OARD1: variants seen among roughly 807,000 people sequenced by gnomAD.
The protein encoded by OARD1 is O-acyl-ADP-ribose deacylase 1.
In OARD1, 19 loss-of-function variants were observed where a neutral mutation model predicts 19.7. The observed-to-expected ratio is 0.96, with a 90% CI of 0.67 to 1.41. The LOEUF is 1.41. OARD1 is among the 40% of genes most tolerant of loss of function. The pLI is 0.00. For missense variants in OARD1, 190 were observed against 183.8 expected (o/e 1.03, Z -0.20); for synonymous variants, 70 against 61.8 (o/e 1.13, Z -0.62).
At chr6:41,071,355 C>T in intron 2 of OARD1, 79 bp from the exon 3 acceptor site, 1 of 1,390,180 alleles carries the variant, frequency 7.2e-7, no homozygotes, top group Non-Finnish European at 1.0e-6. Flanking sequence ...ATTTTGTGTC[C>T]CCCACGACTA....
intron 1 of OARD1, among the ~76,000 whole-genome samples, chr6:41,081,175 C>A (rs1561851320): frequency 1.3e-5 from 2 of 152,174 alleles, no homozygotes. Context: ...GGAAGAAATT[C>A]TTATAAGTGA....
At chr6:41,078,589 T>G (rs1763807567) in intron 1 of OARD1, among the ~76,000 whole-genome samples, 2 of 152,242 alleles carry the variant, frequency 1.3e-5, no homozygotes, top group Admixed American at 6.5e-5. Context: ...ACTCTTAAAG[T>G]CTATGAGAAG....
intron 1 of OARD1, among the ~76,000 whole-genome samples, chr6:41,081,861 A>T (rs182264150): frequency 6.6e-5 from 10 of 152,316 alleles, no homozygotes; most frequent in African/African-American, 2.2e-4. Flanking sequence ...AGCCACTGTG[A>T]TAATTCTTGG....
intron 1 of OARD1, among the ~76,000 whole-genome samples, chr6:41,093,415 A>G (rs532668197): frequency 4.3e-4 from 66 of 152,250 alleles, no homozygotes; most frequent in African/African-American, 1.6e-3. Context: ...TTCATGGTCC[A>G]AGATTCCTGC....
Position 41,066,309 on chromosome 6 carries a change from T to C in OARD1, c.*1026A>G, listed in dbSNP as rs1763005869. 1 of 152,080 alleles carries C rather than the reference T, an allele frequency of 6.6e-6. No individual in the cohort carries two copies. Among genetic ancestry groups the C allele is most frequent in the Non-Finnish European group, 1.5e-5 (1 of 68,024 alleles). The allele number at this position is 152,080 out of a possible 1,614,324, so 9.4% of individuals were successfully genotyped here. Reference sequence around the variant, plus strand: ...GCCCAGCTAATTTTTAATTTCTTTTTTTTTTGTAGAGACAGGGTCTCGCTA... The same window carrying C: ...GCCCAGCTAATTTTTAATTTCTTTTCTTTTTGTAGAGACAGGGTCTCGCTA... On this transcript the variant is annotated 3_prime_UTR_variant, in exon 6 of 6. Coordinates refer to ENST00000424266, the MANE Select transcript of OARD1 (RefSeq NM_001329686.2).
intron 1 of OARD1, chr6:41,084,057 G>A: frequency 6.2e-7 from 1 of 1,606,066 alleles, no homozygotes; most frequent in Non-Finnish European, 8.5e-7. Flanking sequence ...TCCAAGGGCA[G>A]CCATTAATGG....
intron 1 of OARD1, among the ~76,000 whole-genome samples, chr6:41,079,432 T>C (rs1763847476): frequency 6.6e-6 from 1 of 152,272 alleles, no homozygotes; most frequent in African/African-American, 2.4e-5. Context: ...ATTTGGACTT[T>C]AAAATTTTTC....
intron 1 of OARD1, among the ~76,000 whole-genome samples, chr6:41,082,025 G>C (rs1232443124): frequency 6.6e-6 from 1 of 152,142 alleles, no homozygotes; most frequent in Non-Finnish European, 1.5e-5. Context: ...TTGAGAAATT[G>C]GCAAGATTTG....
At position 41,071,669 on chromosome 6, in the gene OARD1, T is replaced by G. The variant is rs1362854498; in HGVS notation, c.-35A>C. Reference sequence around the variant, plus strand: ...TCGCTATTTCCAGAATTTAAGTGTTTCTTCAGCTATGAGAAGGGAAAAGGA... The same window carrying G: ...TCGCTATTTCCAGAATTTAAGTGTTGCTTCAGCTATGAGAAGGGAAAAGGA... On this transcript the variant is annotated 5_prime_UTR_variant, in exon 2 of 6. Coordinates refer to ENST00000424266, the MANE Select transcript of OARD1 (RefSeq NM_001329686.2). The G allele has an allele frequency of 6.3e-7, 1 of 1,587,252 alleles. No individual in the cohort carries two copies. Among genetic ancestry groups the G allele is most frequent in the South Asian group, 1.1e-5 (1 of 90,542 alleles).
intron 1 of OARD1, among the ~76,000 whole-genome samples, chr6:41,077,592 C>G (rs1272868516): frequency 2.0e-5 from 3 of 152,152 alleles, no homozygotes; most frequent in Admixed American, 6.5e-5. Context: ...GTTAGTGCCC[C>G]TAACAGACTC....
At chr6:41,082,807 T>G (rs1395708246) in intron 1 of OARD1, among the ~76,000 whole-genome samples, 1 of 152,202 alleles carries the variant, frequency 6.6e-6, no homozygotes, top group Non-Finnish European at 1.5e-5. Flanking sequence ...GGGAAAGAGA[T>G]AGCATGAGAG....
At chr6:41,067,780 G>A (rs558873599) in intron 5 of OARD1, among the ~76,000 whole-genome samples, 1 of 152,286 alleles carries the variant, frequency 6.6e-6, no homozygotes, top group South Asian at 2.1e-4. Context: ...GATGGTGAAA[G>A]GTTGGTATTT....
chr6:41,071,998 T>C (rs1292137986), intron 1 of OARD1, among the ~76,000 whole-genome samples: 3 of 152,170 alleles, frequency 2.0e-5, no homozygotes, highest in African/African-American at 4.8e-5. Context: ...GACGGTCTCC[T>C]TTTCTCTGCA....
At chr6:41,072,579 GT>G (rs1432309875), upstream of OARD1, 1 of 152,474 alleles carries the variant, frequency 6.6e-6, no homozygotes, top group South Asian at 2.1e-4. Context: ...AAATTCCGTG[GT>G]TTCCCGCCGC....
intron 1 of OARD1, chr6:41,091,794 C>T (rs1330497000): frequency 2.0e-5 from 27 of 1,364,634 alleles, no homozygotes; most frequent in South Asian, 2.7e-5. Flanking sequence ...GGATTGAGAT[C>T]GATCCTTAAG....
chr6:41,079,121 C>T (rs754042015), intron 1 of OARD1: 2 of 1,614,002 alleles, frequency 1.2e-6, no homozygotes, highest in East Asian at 2.2e-5. Context: ...AGCAATAGTT[C>T]GACAGAGCAG....
At chr6:41,089,486 T>C (rs904351881) in intron 1 of OARD1, 11 of 1,360,514 alleles carry the variant, frequency 8.1e-6, no homozygotes, top group Non-Finnish European at 1.1e-5. Flanking sequence ...TCAGAACATT[T>C]TCTGCTTTCT....
intron 1 of OARD1, among the ~76,000 whole-genome samples, chr6:41,093,974 C>T (rs754911593): frequency 3.9e-5 from 6 of 152,196 alleles, no homozygotes; most frequent in Non-Finnish European, 7.3e-5. Flanking sequence ...GATTCATGAT[C>T]ATGCCACTGC....
At chr6:41,078,785 T>G (rs1471662725) in intron 1 of OARD1, among the ~76,000 whole-genome samples, 1 of 152,240 alleles carries the variant, frequency 6.6e-6, no homozygotes, top group Non-Finnish European at 1.5e-5. Context: ...AGTATTGCTC[T>G]GACAGTATTG....
Sources: allele counts gnomAD v4.1 joint callset (sites outside exome capture counted in the v4.1 genomes callset), GRCh38; gene constraint gnomAD v4.1.1; transcripts MANE v1.5; gene names NCBI Gene and HGNC (gene_info 2026-07-23, HGNC 2026-07-21).